The following EHMT1 variants were observed in gnomAD, a reference collection of about 807,000 sequenced individuals.
The protein encoded by EHMT1 is euchromatic histone lysine methyltransferase 1.
EHMT1 carries 15 observed loss-of-function variants against 147.2 expected under a neutral mutation model. The ratio of observed to expected loss-of-function variants is 0.10; its 90% CI spans 0.07 to 0.16. EHMT1 has a LOEUF of 0.16. Among genes scored for constraint, EHMT1 ranks in the 10% least tolerant of loss-of-function variants. The pLI is 1.00. For synonymous variants in EHMT1, 795 were observed against 709.6 expected (o/e 1.12, Z -1.91); for missense variants, 1,587 against 1,772.4 (o/e 0.90, Z 1.88).
At chr9:137,814,589 A>AC (rs1954773147) in intron 22 of EHMT1, 81 bp downstream of exon 22, 1 of 1,504,542 alleles carries the variant, frequency 6.6e-7, no homozygotes, top group Non-Finnish European at 9.1e-7. Context: ...GGCGTCTGTG[A>AC]CCCCAGCGCT....
chr9:137,694,502 G>A (rs902991412), intron 1 of EHMT1, among the ~76,000 whole-genome samples: 7 of 152,234 alleles, frequency 4.6e-5, no homozygotes, highest in African/African-American at 1.7e-4. Flanking sequence ...TGCCTGTGAG[G>A]CAGTCTCGTT....
intron 4 of EHMT1, among the ~76,000 whole-genome samples, chr9:137,734,809 T>TA (rs1007994567): frequency 2.6e-5 from 4 of 152,162 alleles, no homozygotes; most frequent in East Asian, 1.9e-4. Context: ...TTAAGAGTGA[T>TA]AAAAAAATCT....
intron 18 of EHMT1, among the ~76,000 whole-genome samples, chr9:137,803,792 A>G (rs1398507418): frequency 6.6e-6 from 1 of 151,496 alleles, no homozygotes; most frequent in Non-Finnish European, 1.5e-5. Context: ...TCAAGGCTGC[A>G]GTAAGCTGAG....
rs1422950084 is a variant in EHMT1 at position 137,782,796 on chromosome 9, C to T, written c.2382+399C>T. Among the ~76,000 whole-genome samples, 2 of 152,166 alleles carry T rather than the reference C, an allele frequency of 1.3e-5. No homozygotes were observed. Among genetic ancestry groups the T allele is most frequent in the South Asian group, 2.1e-4 (1 of 4,830 alleles). On this transcript the variant is annotated intron_variant, in intron 15 of 26. Transcript: ENST00000460843. This position sits in a 1 kb window ranked among gnomAD's most constrained non-coding sequence, Gnocchi z 5.7. ...TGAGCATTTTCAAGCTGAACCACGTCGTCTACAGGGTATGTTGTGTCTGTC... is the reference window on the plus strand; with the variant it reads ...TGAGCATTTTCAAGCTGAACCACGTTGTCTACAGGGTATGTTGTGTCTGTC...
chr9:137,765,916 G>C (rs1285547184), intron 10 of EHMT1, among the ~76,000 whole-genome samples: 1 of 152,026 alleles, frequency 6.6e-6, no homozygotes, highest in Admixed American at 6.5e-5. Flanking sequence ...CCATAGTCTG[G>C]ATTCTGTGAA....
At chr9:137,826,076 G>A (rs1390597068) in intron 25 of EHMT1, among the ~76,000 whole-genome samples, 3 of 140,540 alleles carry the variant, frequency 2.1e-5, no homozygotes, top group African/African-American at 5.3e-5. Flanking sequence ...TATTGTTACT[G>A]GAAATAATTT....
intron 1 of EHMT1, chr9:137,685,378 A>G (rs1185254867): frequency 6.6e-6 from 1 of 152,168 alleles, no homozygotes; most frequent in African/African-American, 2.4e-5. Flanking sequence ...TGTCTGGCTT[A>G]TGTCATGTAG....
chr9:137,774,431 T>C (rs191752760), intron 10 of EHMT1, among the ~76,000 whole-genome samples: 5,172 of 143,710 alleles, frequency 0.036, 137 homozygotes, highest in Non-Finnish European at 0.056. Flanking sequence ...CTGGTGGGTG[T>C]GGGCACGCCT....
chr9:137,646,093 G>C (rs934669899), intron 1 of EHMT1, among the ~76,000 whole-genome samples: 8 of 152,156 alleles, frequency 5.3e-5, no homozygotes, highest in African/African-American at 1.9e-4. Flanking sequence ...CGCGTAGCTG[G>C]GATGACAGGT....
intron 1 of EHMT1, among the ~76,000 whole-genome samples, chr9:137,632,199 G>C (rs956762288): frequency 6.6e-6 from 1 of 152,220 alleles, no homozygotes; most frequent in East Asian, 1.9e-4. Context: ...AGATGTTACT[G>C]TCCTGTCGAG....
At chr9:137,626,516 G>C (rs1011423004) in intron 1 of EHMT1, among the ~76,000 whole-genome samples, 3 of 142,066 alleles carry the variant, frequency 2.1e-5, no homozygotes, top group African/African-American at 7.9e-5. Context: ...GAGTGAGAGA[G>C]ACTGTCTCTA....
At chr9:137,671,146 C>T (rs918679803) in intron 1 of EHMT1, among the ~76,000 whole-genome samples, 1 of 152,162 alleles carries the variant, frequency 6.6e-6, no homozygotes, top group Non-Finnish European at 1.5e-5. Context: ...AACTGTTTTC[C>T]CGTATAATTA....
Position 137,835,397 on chromosome 9 carries a change from C to T in EHMT1, c.*444C>T, listed in dbSNP as rs2133168735. The T allele has an allele frequency of 6.4e-6, 1 of 155,506 alleles. No homozygotes were observed. The highest frequency in any genetic ancestry group is 1.9e-4 in the East Asian group (1 of 5,270). 9.6% of individuals were successfully genotyped at this position (155,506 alleles called of 1,614,324 possible). A position where few individuals can be genotyped will look rare whatever the true frequency, so the allele number is the denominator to read the frequency against. ...CCGTTAGCGCGAGCTGCTCCGTTCG[C>T]CCTGCCCACGGCCTGCGTGGCTGGG... On this transcript the variant is annotated 3_prime_UTR_variant, in exon 27 of 27. Transcript: ENST00000460843.
intron 3 of EHMT1, among the ~76,000 whole-genome samples, chr9:137,726,280 C>T (rs1946619111): frequency 6.6e-6 from 1 of 152,240 alleles, no homozygotes; most frequent in Non-Finnish European, 1.5e-5. Flanking sequence ...ACTTCCCATT[C>T]CTCTCTCCCA....
In EHMT1 at chr9:137,782,462, A is replaced by T; in HGVS notation, c.2382+65A>T. ...TCTCTTTTATTTTTACCAAAGTAAA[A>T]TCATACCACGTTCGCGGTTCTTCCA... On this transcript the variant is annotated intron_variant, in intron 15 of 26. Coordinates refer to ENST00000460843, the MANE Select transcript of EHMT1 (RefSeq NM_024757.5). This position sits in a 1 kb window ranked among gnomAD's most constrained non-coding sequence, Gnocchi z 5.7. 3 of 1,441,934 alleles carry T rather than the reference A, an allele frequency of 2.1e-6. No homozygotes were observed. The highest frequency in any genetic ancestry group is 1.9e-5 in the Admixed American group (1 of 51,432). The allele number at this position is 1,441,934 out of a possible 1,614,324, so 89.3% of individuals were successfully genotyped here.
rs375371535 is a variant in EHMT1, at chr9:137,777,865, G to C, written c.2019-17G>C. The C allele has an allele frequency of 2.5e-6, 4 of 1,612,000 alleles. No homozygotes were observed. Among genetic ancestry groups the C allele is most frequent in the Non-Finnish European group, 3.4e-6 (4 of 1,179,988 alleles). Reference sequence around the variant, plus strand: ...TTCGTGTTTTCATAAACCTTTCCCCGATTTCCTCCCCTGAAGTGCTGCCGG... The same window carrying C: ...TTCGTGTTTTCATAAACCTTTCCCCCATTTCCTCCCCTGAAGTGCTGCCGG... On this transcript the variant is annotated splice_polypyrimidine_tract_variant and intron_variant, in intron 12 of 26. Transcript: ENST00000460843.
In EHMT1 at chr9:137,710,522, T is replaced by C. The variant is rs550603148; in HGVS notation, c.22-445T>C. 6.6e-5 allele frequency among the ~76,000 whole-genome samples: 10 copies of C among 152,332 alleles called. No homozygotes were observed. In the South Asian group the frequency reaches 1.9e-3, roughly 28 times the overall value. On this transcript the variant is annotated intron_variant, in intron 1 of 26. Coordinates refer to ENST00000460843, the MANE Select transcript of EHMT1 (RefSeq NM_024757.5). ...TATAATACATACCTCTATAGATGCT[T>C]AATCTCAAAGATTTAGTGATTTAAG...
chr9:137,711,157 T>C (rs1944680369), intron 2 of EHMT1, 127 bp downstream of exon 2: 8 of 934,150 alleles, frequency 8.6e-6, no homozygotes, highest in Non-Finnish European at 1.3e-5. Context: ...TATGGTATAG[T>C]TTCTAATCTA....
At position 137,808,187 on chromosome 9, in the gene EHMT1, A is replaced by G. The variant is rs1954109346; in HGVS notation, c.2713-3274A>G. ...GTTGTGGGGAAAGGCCCCGGCTTTGAGTGCACATTCTCAACAGGCTTGTGG... is the reference window on the plus strand; with the variant it reads ...GTTGTGGGGAAAGGCCCCGGCTTTGGGTGCACATTCTCAACAGGCTTGTGG... On this transcript the variant is annotated intron_variant, in intron 18 of 26. Coordinates refer to ENST00000460843, the MANE Select transcript of EHMT1 (RefSeq NM_024757.5). Among the ~76,000 whole-genome samples, 5 of 152,056 alleles carry G rather than the reference A, an allele frequency of 3.3e-5. No homozygotes were observed. The South Asian group carries it at 1.0e-3, about 32-fold the overall frequency.
Sources: allele counts gnomAD v4.1 joint callset (sites outside exome capture counted in the v4.1 genomes callset), GRCh38; gene constraint gnomAD v4.1.1; non-coding constraint Gnocchi (gnomAD v3.1); transcripts MANE v1.5; gene names NCBI Gene and HGNC (gene_info 2026-07-23, HGNC 2026-07-21).